The following COL6A5 variants were observed in gnomAD, a reference collection of about 807,000 sequenced individuals.
COL6A5 encodes the protein collagen alpha-5(VI) chain.
Under a neutral mutation model 65.6 loss-of-function variants are expected in COL6A5, and 48 were observed. The ratio of observed to expected loss-of-function variants is 0.73; its 90% CI spans 0.58 to 0.93. The LOEUF is 0.93. Ranked by LOEUF, COL6A5 falls within the 40% of genes least tolerant of loss-of-function variation. The pLI is 0.00. For missense variants in COL6A5, 914 were observed against 928.3 expected (o/e 0.98, Z 0.20); for synonymous variants, 291 against 322.8 (o/e 0.90, Z 1.05).
chr3:130,374,219 ATAC>A (rs1435941718), intron 2 of COL6A5, among the ~76,000 whole-genome samples: 13 of 152,180 alleles, frequency 8.5e-5, no homozygotes, highest in Non-Finnish European at 1.8e-4. Flanking sequence ...ATCATAGAGT[ATAC>A]TTATACCTAG....
chr3:130,434,537 AT>A, intron 1 of COL6A5, among the ~76,000 whole-genome samples: 2 of 152,180 alleles, frequency 1.3e-5, no homozygotes, highest in Non-Finnish European at 2.9e-5. Context: ...GGTTGAATTA[AT>A]TTACATTCCT....
At chr3:130,409,960 A>T in intron 18 of COL6A5, 49 bp from the exon 19 acceptor site, 1 of 1,319,362 alleles carries the variant, frequency 7.6e-7, no homozygotes, top group Non-Finnish European at 1.1e-6. Flanking sequence ...TTTTGGGGAA[A>T]AAGCTGATAT....
exon 7 of COL6A5, chr3:130,391,337 T>G: frequency 1.3e-6 from 2 of 1,551,722 alleles, no homozygotes; most frequent in Non-Finnish European, 1.7e-6. Flanking sequence ...CCTCAAATAC[T>G]CTGACCAACC....
intron 1 of COL6A5, 137 bp from the exon 34 acceptor site, chr3:130,439,384 TG>T: frequency 1.9e-6 from 1 of 533,578 alleles, no homozygotes; most frequent in Non-Finnish European, 3.4e-6. Flanking sequence ...TGTGTGAACA[TG>T]CACTGAATGG....
chr3:130,415,601 T>C, intron 22 of COL6A5, 44 bp from the exon 23 acceptor site: 2 of 1,509,934 alleles, frequency 1.3e-6, no homozygotes, highest in Non-Finnish European at 1.8e-6. Flanking sequence ...GAAGTAAGCT[T>C]TCATTGACAT....
At chr3:130,472,968 G>T (rs1174631690) in intron 7 of COL6A5, among the ~76,000 whole-genome samples, 2 of 149,024 alleles carry the variant, frequency 1.3e-5, no homozygotes, top group African/African-American at 4.9e-5. Flanking sequence ...TCTATTTGTA[G>T]AGAGAACAAA....
chr3:130,379,511 T>G, exon 4 of COL6A5: 1 of 1,551,404 alleles, frequency 6.4e-7, no homozygotes, highest in Non-Finnish European at 8.7e-7. Flanking sequence ...TTAAGGCATC[T>G]TCAGACCTTC....
intron 5 of COL6A5, among the ~76,000 whole-genome samples, chr3:130,460,730 T>C (rs974215285): frequency 6.6e-6 from 1 of 151,476 alleles, no homozygotes; most frequent in Non-Finnish European, 1.5e-5. Flanking sequence ...TTGAGGTGGG[T>C]GGTAGGGATG....
chr3:130,414,191 A>C, intron 22 of COL6A5, 60 bp downstream of exon 22: 1 of 1,270,960 alleles, frequency 7.9e-7, no homozygotes. Flanking sequence ...GATGGGAAGA[A>C]GGCAGGTATT....
intron 5 of COL6A5, among the ~76,000 whole-genome samples, chr3:130,386,171 A>C (rs2107647957): frequency 6.6e-6 from 1 of 152,180 alleles, no homozygotes; most frequent in East Asian, 1.9e-4. Context: ...ACTGGTAAAG[A>C]GGAAAGATGC....
intron 29 of COL6A5, among the ~76,000 whole-genome samples, chr3:130,424,733 T>C (rs1370104816): frequency 3.9e-5 from 6 of 152,194 alleles, no homozygotes; most frequent in Admixed American, 3.9e-4. Context: ...AAGGATACTC[T>C]GATACAATAT....
intron 4 of COL6A5, among the ~76,000 whole-genome samples, chr3:130,453,672 G>A (rs58996900): frequency 0.033 from 4,949 of 152,206 alleles, 104 homozygotes; most frequent in South Asian, 0.09. Flanking sequence ...GCCCATCTTG[G>A]TTGCTTTCTT....
intron 1 of COL6A5, among the ~76,000 whole-genome samples, chr3:130,359,993 T>C (rs185073241): frequency 7.3e-4 from 111 of 152,146 alleles, no homozygotes; most frequent in African/African-American, 2.6e-3. Flanking sequence ...CCGTTTGTTA[T>C]GGGGGAATGA....
At position 130,381,888 on chromosome 3, in the gene COL6A5, T is replaced by C. The variant is rs190141944; in HGVS notation, c.1300+1838T>C. ...CCACAAAAAATTATTATTGTCATTATAGAAATTGTAAATGGGAAGATATGG... is the reference window on the plus strand; with the variant it reads ...CCACAAAAAATTATTATTGTCATTACAGAAATTGTAAATGGGAAGATATGG... On this transcript the variant is annotated intron_variant and NMD_transcript_variant, in intron 4 of 41. Coordinates refer to the COL6A5 transcript ENST00000312481. Among the ~76,000 whole-genome samples the C allele has an allele frequency of 2.1e-3, 318 of 152,216 alleles. 1 individual carries two copies. The highest frequency in any genetic ancestry group is 7.1e-3 in the African/African-American group (296 of 41,568).
intron 7 of COL6A5, among the ~76,000 whole-genome samples, chr3:130,394,652 A>C (rs1936528716): frequency 6.6e-6 from 1 of 152,170 alleles, no homozygotes; most frequent in South Asian, 2.1e-4. Flanking sequence ...ATTAGCTTTC[A>C]GTGTCTTTTC....
intron 25 of COL6A5, among the ~76,000 whole-genome samples, chr3:130,419,617 C>T (rs1010892992): frequency 6.6e-5 from 10 of 152,012 alleles, no homozygotes; most frequent in Non-Finnish European, 1.0e-4. Flanking sequence ...TTTGTGACAA[C>T]ATGGATGGAT....
In COL6A5 at chr3:130,474,779, G is replaced by A. The variant is rs563617998; in HGVS notation, c.2328+3812G>A. 5.9e-5 allele frequency among the ~76,000 whole-genome samples: 9 copies of A among 151,998 alleles called. No homozygotes were observed. In the East Asian group the frequency reaches 1.6e-3, roughly 26 times the overall value. On this transcript the variant is annotated intron_variant, in intron 7 of 7. Transcript: ENST00000512836. ...TTCTGGCACTTTGGGAAGCTGAGGT[G>A]GGCAGATCACTTGAGCCCAGGATTT...
intron 10 of COL6A5, among the ~76,000 whole-genome samples, chr3:130,399,618 A>C (rs1178620923): frequency 6.6e-6 from 1 of 151,300 alleles, no homozygotes; most frequent in Non-Finnish European, 1.5e-5. Context: ...TGATCCGCCC[A>C]CCTCGGCCTC....
chr3:130,380,831 G>C (rs1285621841), intron 4 of COL6A5, among the ~76,000 whole-genome samples: 3 of 152,048 alleles, frequency 2.0e-5, no homozygotes, highest in Non-Finnish European at 4.4e-5. Context: ...ATTGAAAGAG[G>C]GTAAGATTAT....
Sources: gnomAD v4.1 joint callset for allele counts (sites outside exome capture counted in the v4.1 genomes callset) on GRCh38, gnomAD v4.1.1 for gene constraint, MANE v1.5 for transcripts, NCBI Gene and HGNC (gene_info 2026-07-23, HGNC 2026-07-21) for gene names.